NOL10: variants seen among roughly 807,000 people sequenced by gnomAD.
NOL10 encodes H_NH0074G24.1.
In NOL10, 58 loss-of-function variants were observed where a neutral mutation model predicts 103.5. That is an observed-to-expected ratio of 0.56 (90% CI 0.45 to 0.70). The LOEUF (loss-of-function observed/expected upper bound fraction) is 0.70, where lower values mean the gene tolerates loss of function less well. Among genes scored for constraint, NOL10 ranks in the 30% least tolerant of loss-of-function variants. The probability of loss-of-function intolerance (pLI) is 0.00; values close to 1 mark genes in which losing one functional copy is unlikely to be tolerated. For synonymous variants in NOL10, 287 were observed against 282.5 expected, an observed-to-expected ratio of 1.02 and a Z score of -0.16; for missense variants, 763 against 807.3, an observed-to-expected ratio of 0.95 and a Z score of 0.67.
intron 6 of NOL10, among the ~76,000 whole-genome samples, chr2:10,669,474 A>AT (rs1429871248): frequency 7.4e-6 from 1 of 135,358 alleles, no homozygotes; most frequent in Non-Finnish European, 1.5e-5. Context: ...TTTTATATAT[A>AT]TATATATACA....
At chr2:10,642,174 A>AG (rs1678741017) in intron 13 of NOL10, among the ~76,000 whole-genome samples, 1 of 152,240 alleles carries the variant, frequency 6.6e-6, no homozygotes, top group South Asian at 2.1e-4. Context: ...CGCTGGTCTG[A>AG]GGGCAGCATT....
intron 9 of NOL10, among the ~76,000 whole-genome samples, chr2:10,660,765 A>G (rs1680145701): frequency 6.6e-6 from 1 of 152,182 alleles, no homozygotes; most frequent in African/African-American, 2.4e-5. Flanking sequence ...TAGTTCTTAT[A>G]GATTTTCAGT....
chr2:10,586,884 T>C lies in NOL10; in HGVS notation c.1844+2159A>G, dbSNP rs1304621180. Among the ~76,000 whole-genome samples the C allele has an allele frequency of 4.6e-5, 7 of 151,444 alleles. No individual in the cohort carries two copies. In the East Asian group the frequency reaches 1.2e-3, roughly 25 times the overall value. Reference sequence around the variant, plus strand: ...ATTGACCCCTGACTGTTAAAAATTCTGGTTACCAGTAGGCTATTAGTAGTA... The same window carrying C: ...ATTGACCCCTGACTGTTAAAAATTCCGGTTACCAGTAGGCTATTAGTAGTA... On this transcript the variant is annotated intron_variant, in intron 19 of 20. Coordinates refer to ENST00000381685, the MANE Select transcript of NOL10 (RefSeq NM_024894.4).
chr2:10,579,062 T>A (rs1674618808), intron 19 of NOL10, among the ~76,000 whole-genome samples: 1 of 152,220 alleles, frequency 6.6e-6, no homozygotes, highest in African/African-American at 2.4e-5. Context: ...AGCTCCTAAA[T>A]GATCCTTAAG....
intron 7 of NOL10, among the ~76,000 whole-genome samples, chr2:10,667,721 G>C (rs201103435): frequency 6.6e-6 from 1 of 152,060 alleles, no homozygotes; most frequent in African/African-American, 2.4e-5. Flanking sequence ...CACCTACCTC[G>C]GGGGGTTGTT....
At chr2:10,647,900 T>C (rs372637144) in intron 12 of NOL10, among the ~76,000 whole-genome samples, 2 of 152,224 alleles carry the variant, frequency 1.3e-5, no homozygotes, top group African/African-American at 4.8e-5. Flanking sequence ...TAAGCCTGAA[T>C]TGGATCTTTC....
intron 13 of NOL10, among the ~76,000 whole-genome samples, chr2:10,630,790 G>A (rs1264386405): frequency 6.6e-6 from 1 of 152,130 alleles, no homozygotes; most frequent in Non-Finnish European, 1.5e-5. Flanking sequence ...AGATGACCTT[G>A]GAGATCCCTT....
chr2:10,606,607 C>CAA (rs35623656), intron 14 of NOL10, among the ~76,000 whole-genome samples: 1,857 of 111,714 alleles, frequency 0.017, 70 homozygotes, highest in African/African-American at 0.053. Flanking sequence ...GACTCTGTCT[C>CAA]AAAAAAAAAA....
chr2:10,621,606 A>G (rs949817688), intron 13 of NOL10, among the ~76,000 whole-genome samples: 1 of 152,138 alleles, frequency 6.6e-6, no homozygotes, highest in African/African-American at 2.4e-5. Flanking sequence ...AAATAATAAA[A>G]ATAAAAATTA....
chr2:10,661,007 T>G (rs1195811655), intron 9 of NOL10, among the ~76,000 whole-genome samples: 1 of 152,082 alleles, frequency 6.6e-6, no homozygotes, highest in Admixed American at 6.5e-5. Context: ...CACTCGGGTA[T>G]ACATCCAGTC....
chr2:10,671,090 G>A (rs1021977255), intron 6 of NOL10, among the ~76,000 whole-genome samples: 3 of 152,078 alleles, frequency 2.0e-5, no homozygotes, highest in African/African-American at 7.2e-5. Flanking sequence ...AACCACATAT[G>A]ACCTATTAAT....
intron 11 of NOL10, among the ~76,000 whole-genome samples, chr2:10,657,351 A>G (rs1679911720): frequency 6.6e-6 from 1 of 152,152 alleles, no homozygotes; most frequent in African/African-American, 2.4e-5. Context: ...TATGAATTTG[A>G]GATATGTAAT....
chr2:10,673,064 G>A (rs1465795531), intron 5 of NOL10, among the ~76,000 whole-genome samples: 1 of 151,966 alleles, frequency 6.6e-6, no homozygotes, highest in African/African-American at 2.4e-5. Flanking sequence ...GCTATATTTT[G>A]AACTGTTTCA....
intron 4 of NOL10, among the ~76,000 whole-genome samples, chr2:10,675,553 C>G (rs1036983230): frequency 2.0e-5 from 3 of 152,004 alleles, no homozygotes; most frequent in African/African-American, 7.3e-5. Flanking sequence ...CCCAGCACCT[C>G]CAAGTCAGAG....
At chr2:10,616,626 G>A (rs1488074775) in intron 13 of NOL10, among the ~76,000 whole-genome samples, 2 of 151,884 alleles carry the variant, frequency 1.3e-5, no homozygotes, top group Admixed American at 1.3e-4. Flanking sequence ...TCAGCTCACC[G>A]CCACCTCAAC....
At chr2:10,648,389 C>T (rs1025326002) in intron 12 of NOL10, among the ~76,000 whole-genome samples, 39 of 152,178 alleles carry the variant, frequency 2.6e-4, no homozygotes, top group Middle Eastern at 3.4e-3. Flanking sequence ...TGCAATCATC[C>T]GCCACACTCA....
rs184293466 is a variant in NOL10, at chr2:10,638,872, G to A, written c.1026+5448C>T. On this transcript the variant is annotated intron_variant, in intron 13 of 20. Coordinates refer to ENST00000381685, the MANE Select transcript of NOL10 (RefSeq NM_024894.4). ...GGCTGGAGTGCACTGGTGTGGTCTC[G>A]GCTCACTGCACCCTCTGCCTTCCAG... 1.4e-4 allele frequency among the ~76,000 whole-genome samples: 18 copies of A among 132,588 alleles called. No individual in the cohort carries two copies. The South Asian group carries it at 1.7e-3, about 13-fold the overall frequency. The allele number at this position is 132,588 out of a possible 152,430, so 87.0% of individuals were successfully genotyped here.
At chr2:10,661,385 T>C (rs565884989) in intron 9 of NOL10, among the ~76,000 whole-genome samples, 1 of 151,322 alleles carries the variant, frequency 6.6e-6, no homozygotes, top group African/African-American at 2.4e-5. Flanking sequence ...TATTTATTTA[T>C]GTTTGAGATG....
At chr2:10,605,647 A>G (rs1011919124) in intron 14 of NOL10, among the ~76,000 whole-genome samples, 3 of 152,216 alleles carry the variant, frequency 2.0e-5, no homozygotes. Context: ...CCCAAAATGT[A>G]CTAAACATAG....
Sources: allele counts gnomAD v4.1 joint callset (sites outside exome capture counted in the v4.1 genomes callset), GRCh38; gene constraint gnomAD v4.1.1; transcripts MANE v1.5; gene names NCBI Gene and HGNC (gene_info 2026-07-23, HGNC 2026-07-21).